Variants in RYR3 observed in about 807,000 individuals in gnomAD.
The protein encoded by RYR3 is ryanodine receptor 3.
RYR3 carries 207 observed loss-of-function variants against 584.3 expected under a neutral mutation model. The ratio of observed to expected loss-of-function variants is 0.35; its 90% CI spans 0.32 to 0.40. The LOEUF is 0.40. RYR3 is among the 10% of genes least tolerant of loss of function. The pLI is 1.00. For synonymous variants in RYR3, 2,416 were observed against 2,248.5 expected, an observed-to-expected ratio of 1.07 and a Z score of -2.11; for missense variants, 5,616 against 6,089.2, an observed-to-expected ratio of 0.92 and a Z score of 2.59.
At chr15:33,336,508 G>GAA (rs1567047470) in intron 1 of RYR3, among the ~76,000 whole-genome samples, 1 of 22,778 alleles carries the variant, frequency 4.4e-5, no homozygotes, top group African/African-American at 3.6e-4. Flanking sequence ...GAAAGAAGGA[G>GAA]GGAAGGAGGG....
At chr15:33,647,250 T>G (rs1272124204) in intron 29 of RYR3, among the ~76,000 whole-genome samples, 174 bp from the exon 30 acceptor site, 1 of 152,248 alleles carries the variant, frequency 6.6e-6, no homozygotes, top group Non-Finnish European at 1.5e-5. Context: ...CCCTGCCTTG[T>G]GTTAACAGCT....
chr15:33,755,239 C>T, intron 58 of RYR3, 59 bp downstream of exon 58: 1 of 998,462 alleles, frequency 1.0e-6, no homozygotes. Flanking sequence ...AAGAAATAAT[C>T]CTTTCAGACT....
rs960445743 is a variant in RYR3, at chr15:33,722,789, C to T, written c.6694C>T (p.Leu2232=). ...IRRPECFGPA[L]RGEGGNGLLA... Reference sequence around the variant, plus strand: ...ACGCCCAGAGTGCTTCGGCCCGGCCCTGCGGGGTGAGGGGGGAAACGGGCT... The same window carrying T: ...ACGCCCAGAGTGCTTCGGCCCGGCCTTGCGGGGTGAGGGGGGAAACGGGCT... The change falls in exon 44 of 104, where the codon CTG becomes TTG. Residue 2232 remains leucine (L), a synonymous_variant. Transcript: ENST00000634891. The T allele has an allele frequency of 6.2e-7, 1 of 1,613,332 alleles. No homozygotes were observed. The highest frequency in any genetic ancestry group is 8.5e-7 in the Non-Finnish European group (1 of 1,179,624).
intron 92 of RYR3, 154 bp from the exon 93 acceptor site, chr15:33,844,708 G>T (rs1184711826): frequency 9.2e-6 from 6 of 649,064 alleles, no homozygotes; most frequent in Admixed American, 3.0e-5. Context: ...GTGATTCCTA[G>T]TAATAAGTCA....
chr15:33,366,763 T>C (rs1390321836), intron 1 of RYR3, among the ~76,000 whole-genome samples: 2 of 152,296 alleles, frequency 1.3e-5, no homozygotes, highest in South Asian at 2.1e-4. Flanking sequence ...TAGATGGCTT[T>C]ACTCAAAATG....
At chr15:33,807,470 T>G in intron 69 of RYR3, 85 bp from the exon 70 acceptor site, 1 of 1,323,014 alleles carries the variant, frequency 7.6e-7, no homozygotes, top group Middle Eastern at 1.8e-4. Flanking sequence ...AAGCTATAAC[T>G]AACATATGGT....
chr15:33,752,782 T>C (rs1479191540), intron 57 of RYR3, among the ~76,000 whole-genome samples: 1 of 152,214 alleles, frequency 6.6e-6, no homozygotes, highest in Non-Finnish European at 1.5e-5. Flanking sequence ...ATAGGAGTGG[T>C]GAGAGAGGGC....
At position 33,738,575 on chromosome 15, in the gene RYR3, C is replaced by T. The variant is rs765535332; in HGVS notation, c.7641C>T (p.Asp2547=). Residue 2547 remains aspartate (D), a synonymous_variant, in exon 50 of 104, where the codon GAC becomes GAT. Coordinates refer to ENST00000634891, the MANE Select transcript of RYR3 (RefSeq NM_001036.6). ...LTEKLFWGIF[D]SLSHKKYDPD... ...AGAAGCTTTTCTGGGGGATTTTTGA[C>T]TCGCTCTCCCATAAGGTAATGACAG... The T allele has an allele frequency of 3.1e-6, 5 of 1,613,814 alleles. No homozygotes were observed. Among genetic ancestry groups the T allele is most frequent in the Non-Finnish European group, 2.5e-6 (3 of 1,179,874 alleles).
rs1008892712 is a variant in RYR3 at position 33,409,531 on chromosome 15, G to A, written c.52-63888G>A. ...CTGGGTTTCTCCTCCCTGTGCCACA[G>A]CCTGGCTCTCACAGACAGGAAGTGG... On this transcript the variant is annotated intron_variant, in intron 1 of 103. Transcript: ENST00000634891. Among the ~76,000 whole-genome samples the A allele has an allele frequency of 3.3e-5, 5 of 152,260 alleles. No individual in the cohort carries two copies. In the East Asian group the frequency reaches 9.7e-4, roughly 29 times the overall value.
At chr15:33,760,307 C>T (rs547797268) in intron 60 of RYR3, among the ~76,000 whole-genome samples, 6 of 152,164 alleles carry the variant, frequency 3.9e-5, no homozygotes, top group African/African-American at 7.2e-5. Context: ...TGCAAATGGG[C>T]GAAATGCCCC....
chr15:33,709,877 G>A (rs1452157006), intron 43 of RYR3, among the ~76,000 whole-genome samples: 1 of 152,188 alleles, frequency 6.6e-6, no homozygotes, highest in African/African-American at 2.4e-5. Context: ...TGGTTATAAT[G>A]GGGAAAACCT....
At chr15:33,362,868 A>G (rs1325995850) in intron 1 of RYR3, among the ~76,000 whole-genome samples, 2 of 152,166 alleles carry the variant, frequency 1.3e-5, no homozygotes, top group Non-Finnish European at 2.9e-5. Flanking sequence ...GTGAAATCTC[A>G]GGGGGTTACC....
intron 55 of RYR3, among the ~76,000 whole-genome samples, chr15:33,749,682 G>A (rs1454896797): frequency 6.6e-6 from 1 of 152,182 alleles, no homozygotes; most frequent in Non-Finnish European, 1.5e-5. Context: ...AAAATGATGT[G>A]CTGCCAGCAT....
chr15:33,829,751 C>CA (rs56172137), intron 85 of RYR3, among the ~76,000 whole-genome samples: 13 of 134,716 alleles, frequency 9.6e-5, no homozygotes, highest in African/African-American at 3.1e-4. Context: ...GACTCTGTCT[C>CA]AAAAAAAAAA....
chr15:33,574,215 T>C (rs770623100), intron 12 of RYR3, among the ~76,000 whole-genome samples: 6 of 152,216 alleles, frequency 3.9e-5, no homozygotes, highest in Admixed American at 6.5e-5. Context: ...TATAAACCTC[T>C]TGCTGTCATC....
At chr15:33,464,476 A>G (rs1189177811) in intron 1 of RYR3, among the ~76,000 whole-genome samples, 1 of 87,344 alleles carries the variant, frequency 1.1e-5, no homozygotes, top group African/African-American at 7.4e-5. Context: ...ATATATATAT[A>G]TATATATATA....
intron 22 of RYR3, 96 bp from the exon 23 acceptor site, chr15:33,631,114 T>G (rs1406839329): frequency 9.5e-6 from 7 of 738,776 alleles, no homozygotes; most frequent in Non-Finnish European, 1.3e-5. Context: ...GCTAAATGAA[T>G]GGCTCTTGTC....
At position 33,731,406 on chromosome 15, in the gene RYR3, T is replaced by C. The variant is rs1388533339; in HGVS notation, c.7204-68T>C. 6.0e-6 allele frequency: 7 copies of C among 1,164,706 alleles called. No individual in the cohort carries two copies. In the East Asian group the frequency reaches 1.5e-4, roughly 25 times the overall value. The allele number at this position is 1,164,706 out of a possible 1,614,324, so 72.1% of individuals were successfully genotyped here. A position where few individuals can be genotyped will look rare whatever the true frequency, so the allele number is the denominator to read the frequency against. Reference sequence around the variant, plus strand: ...CTCCCACAGCTTGCTACATGGGAACTCTGTGCAGAGCCAGCTTTGCTCTGT... The same window carrying C: ...CTCCCACAGCTTGCTACATGGGAACCCTGTGCAGAGCCAGCTTTGCTCTGT... On this transcript the variant is annotated intron_variant, in intron 47 of 103. Coordinates refer to ENST00000634891, the MANE Select transcript of RYR3 (RefSeq NM_001036.6).
At chr15:33,539,688 A>G (rs2055648105) in intron 6 of RYR3, among the ~76,000 whole-genome samples, 1 of 152,226 alleles carries the variant, frequency 6.6e-6, no homozygotes, top group East Asian at 1.9e-4. Context: ...GATAAGAAGT[A>G]GCCTACTTTT....
Sources: allele counts gnomAD v4.1 joint callset (sites outside exome capture counted in the v4.1 genomes callset), GRCh38; gene constraint gnomAD v4.1.1; transcripts MANE v1.5; gene names NCBI Gene and HGNC (gene_info 2026-07-23, HGNC 2026-07-21).